Variants in MYO5B observed in about 807,000 individuals in gnomAD.
MYO5B encodes the protein myosin VB.
In MYO5B, 143 loss-of-function variants were observed where a neutral mutation model predicts 229.3. The ratio of observed to expected loss-of-function variants is 0.62; its 90% CI spans 0.54 to 0.72. The LOEUF (loss-of-function observed/expected upper bound fraction) is 0.72. Among genes scored for constraint, MYO5B ranks in the 30% least tolerant of loss-of-function variants. The pLI is 0.00. For synonymous variants in MYO5B, 918 were observed against 885.2 expected, an observed-to-expected ratio of 1.04 and a Z score of -0.66; for missense variants, 2,321 against 2,331.0, an observed-to-expected ratio of 1.00 and a Z score of 0.09.
intron 21 of MYO5B, among the ~76,000 whole-genome samples, chr18:49,898,298 G>A (rs2024803095): frequency 6.6e-6 from 1 of 152,056 alleles, no homozygotes; most frequent in South Asian, 2.1e-4. Flanking sequence ...CTAAGTATAT[G>A]GAATCAAATT....
At chr18:49,955,937 G>A (rs2025487854) in intron 12 of MYO5B, among the ~76,000 whole-genome samples, 1 of 152,204 alleles carries the variant, frequency 6.6e-6, no homozygotes, top group Non-Finnish European at 1.5e-5. Flanking sequence ...GAACCATGGT[G>A]GGAAGCCCAC....
chr18:49,906,593 A>C lies in MYO5B; in HGVS notation c.2240T>G (p.Phe747Cys), dbSNP rs1259794730. Reference sequence around the variant, plus strand: ...GTAGGCCACCTGGCCTGCTCGAAAGAAGATCTTGGTGCGGCCAAACTGGAA... The same window carrying C: ...GTAGGCCACCTGGCCTGCTCGAAAGCAGATCTTGGTGCGGCCAAACTGGAA... ...DKFQFGRTKI[F>C]FRAGQVAYLE... The change falls in exon 19 of 40, where the codon TTC (phenylalanine) becomes TGC (cysteine). Residue 747 changes from phenylalanine (F) to cysteine (C), a missense_variant. Physicochemically the swap from Phe to Cys is radical, Grantham distance 205 (BLOSUM62 -2). Coordinates refer to ENST00000285039, the MANE Select transcript of MYO5B (RefSeq NM_001080467.3). The C allele has an allele frequency of 2.5e-6, 4 of 1,614,010 alleles. No homozygotes were observed. Among genetic ancestry groups the C allele is most frequent in the Non-Finnish European group, 3.4e-6 (4 of 1,180,038 alleles).
At chr18:50,006,867 T>C (rs1280272567) in intron 4 of MYO5B, among the ~76,000 whole-genome samples, 1 of 152,202 alleles carries the variant, frequency 6.6e-6, no homozygotes, top group Admixed American at 6.5e-5. Context: ...AAGTGTTATC[T>C]TGTTTGGGTT....
chr18:50,178,470 T>G (rs2033027464), intron 1 of MYO5B, among the ~76,000 whole-genome samples: 1 of 152,190 alleles, frequency 6.6e-6, no homozygotes, highest in Middle Eastern at 3.2e-3. Context: ...TTGAGATGCA[T>G]AAACATAGCC....
chr18:50,103,982 T>C (rs1599022843), intron 1 of MYO5B, among the ~76,000 whole-genome samples: 1 of 142,660 alleles, frequency 7.0e-6, no homozygotes. Context: ...GGCAACACAG[T>C]GAGATCCCAT....
At chr18:50,145,885 T>C (rs1353970011) in intron 1 of MYO5B, among the ~76,000 whole-genome samples, 1 of 152,242 alleles carries the variant, frequency 6.6e-6, no homozygotes, top group Non-Finnish European at 1.5e-5. Context: ...CCTGCAAACT[T>C]GTTTACACCA....
chr18:50,165,211 G>C (rs1442964984), intron 1 of MYO5B, among the ~76,000 whole-genome samples: 1 of 150,386 alleles, frequency 6.6e-6, no homozygotes, highest in Non-Finnish European at 1.5e-5. Flanking sequence ...ACAGTGGCTG[G>C]CTCATGCCTG....
chr18:49,890,839 T>C (rs2024704468), intron 22 of MYO5B, among the ~76,000 whole-genome samples: 1 of 152,218 alleles, frequency 6.6e-6, no homozygotes, highest in Admixed American at 6.5e-5. Context: ...TTCTTCTAAG[T>C]AAGCATAGTA....
chr18:49,876,264 A>G (rs2024521810), intron 25 of MYO5B: 1 of 277,838 alleles, frequency 3.6e-6, no homozygotes, highest in South Asian at 3.9e-5. Context: ...GTCAGCCATC[A>G]CTTGATTGCA....
intron 39 of MYO5B, 74 bp downstream of exon 39, chr18:49,835,270 G>T: frequency 9.0e-7 from 1 of 1,113,832 alleles, no homozygotes; most frequent in Non-Finnish European, 1.4e-6. Context: ...AGAGAAGCAA[G>T]ATTAAAGCCC....
chr18:49,885,691 G>A lies in MYO5B; in HGVS notation c.3046-5236C>T, dbSNP rs529549533. On this transcript the variant is annotated intron_variant, in intron 22 of 39. Transcript: ENST00000285039. ...ATAAGGGAGGAGCTGCCCCACCCTC[G>A]GCATCAGGTAGAAAGGGGCAGGAAA... 1.3e-3 allele frequency among the ~76,000 whole-genome samples: 193 copies of A among 152,100 alleles called. 1 individual carries two copies. Among genetic ancestry groups the A allele is most frequent in the African/African-American group, 3.6e-3 (151 of 41,486 alleles).
rs1444374359 is a variant in MYO5B, at chr18:49,835,449, A to T, written c.5314-25T>A. 3.4e-6 allele frequency: 5 copies of T among 1,453,464 alleles called. No homozygotes were observed. The Admixed American group carries it at 6.7e-5, about 19-fold the overall frequency. 90.0% of individuals were successfully genotyped at this position (1,453,464 alleles called of 1,614,324 possible). The stretch of plus-strand genomic sequence containing the variant: ...TCTGTTGGGGATAAAAACGGAATTT[A>T]GCACAGAGCTAAATGAACATGAGAC... On this transcript the variant is annotated intron_variant, in intron 38 of 39. Transcript: ENST00000285039.
chr18:50,167,373 A>C (rs2032866719), intron 1 of MYO5B, among the ~76,000 whole-genome samples: 1 of 152,210 alleles, frequency 6.6e-6, no homozygotes, highest in Admixed American at 6.5e-5. Context: ...CCAAATAAGA[A>C]GGCTTAAGTT....
intron 14 of MYO5B, among the ~76,000 whole-genome samples, chr18:49,950,694 A>T (rs548601691): frequency 2.0e-5 from 3 of 152,316 alleles, no homozygotes; most frequent in South Asian, 4.2e-4. Context: ...ACCCATCAAA[A>T]GATGGGTCAA....
chr18:49,880,550 T>A lies in MYO5B; in HGVS notation c.3046-95A>T, dbSNP rs970592856. On this transcript the variant is annotated intron_variant, in intron 22 of 39. Transcript: ENST00000285039. ...TGAATTTTAACTGGATACATGTAAA[T>A]GCTCTTTTTAAGAAAATTGATTTGG... 2.0e-5 allele frequency: 19 copies of A among 955,036 alleles called. No homozygotes were observed. In the African/African-American group the frequency reaches 2.3e-4, roughly 11 times the overall value. The allele number at this position is 955,036 out of a possible 1,614,324, so 59.2% of individuals were successfully genotyped here. A position where few individuals can be genotyped will look rare whatever the true frequency, so the allele number is the denominator to read the frequency against.
chr18:50,053,660 GGTGCAC>G (rs5824819), intron 2 of MYO5B, among the ~76,000 whole-genome samples: 26,068 of 151,902 alleles, frequency 0.17, 2,254 homozygotes, highest in East Asian at 0.23. Context: ...GAATGTGAGG[GGTGCAC>G]ACCTCAGTAC....
At chr18:49,902,932 G>C (rs534808961) in intron 20 of MYO5B, 99 bp from the exon 21 acceptor site, 3 of 1,485,254 alleles carry the variant, frequency 2.0e-6, no homozygotes, top group Admixed American at 3.8e-5. Context: ...GGCCAGGGCA[G>C]CCTTGGTTCT....
chr18:50,024,233 C>T (rs1243535927), intron 4 of MYO5B, among the ~76,000 whole-genome samples: 3 of 152,162 alleles, frequency 2.0e-5, no homozygotes, highest in East Asian at 1.9e-4. Flanking sequence ...AAGATCAATA[C>T]CATACATTTA....
chr18:49,913,284 C>T (rs2024978004), intron 17 of MYO5B, among the ~76,000 whole-genome samples: 1 of 152,192 alleles, frequency 6.6e-6, no homozygotes, highest in South Asian at 2.1e-4. Context: ...TCTGCTATTT[C>T]CAGGTAGGGT....
Sources: allele counts gnomAD v4.1 joint callset (sites outside exome capture counted in the v4.1 genomes callset), GRCh38; gene constraint gnomAD v4.1.1; transcripts MANE v1.5; gene names NCBI Gene and HGNC (gene_info 2026-07-23, HGNC 2026-07-21).